Variants in GRAMD2B observed in about 807,000 individuals in gnomAD.
GRAMD2B encodes the protein GRAM domain containing 2B.
A neutral mutation model predicts 59.2 loss-of-function variants in GRAMD2B; 41 were observed. The ratio of observed to expected loss-of-function variants is 0.69; its 90% CI spans 0.54 to 0.90. The LOEUF is 0.90. Among genes scored for constraint, GRAMD2B ranks in the 40% least tolerant of loss-of-function variants. The pLI, the probability that GRAMD2B is intolerant of heterozygous loss-of-function variation, is 0.00. For synonymous variants in GRAMD2B, 161 were observed against 182.7 expected (o/e 0.88, Z 0.96); for missense variants, 424 against 500.5 (o/e 0.85, Z 1.46).
chr5:126,407,995 C>G (rs1166712625), intron 1 of GRAMD2B, among the ~76,000 whole-genome samples: 1 of 151,612 alleles, frequency 6.6e-6, no homozygotes, highest in Non-Finnish European at 1.5e-5. Flanking sequence ...CATGTGCAGG[C>G]TTGTTACCTG....
intron 1 of GRAMD2B, among the ~76,000 whole-genome samples, chr5:126,452,061 C>T (rs766530995): frequency 6.6e-6 from 1 of 152,154 alleles, no homozygotes. Flanking sequence ...ACCAATTAAA[C>T]CTCTTTTCTT....
At chr5:126,454,134 G>T (rs950597541) in intron 1 of GRAMD2B, among the ~76,000 whole-genome samples, 2 of 152,146 alleles carry the variant, frequency 1.3e-5, no homozygotes, top group African/African-American at 4.8e-5. Flanking sequence ...AAGGTAAGAC[G>T]ACCAACATGG....
At chr5:126,467,869 T>C (rs1178814066) in intron 2 of GRAMD2B, among the ~76,000 whole-genome samples, 2 of 152,206 alleles carry the variant, frequency 1.3e-5, no homozygotes, top group Non-Finnish European at 2.9e-5. Context: ...CTGTAGTGGC[T>C]AGAAGAGGCC....
chr5:126,484,564 T>C (rs1420452477), intron 10 of GRAMD2B, 40 bp downstream of exon 10: 4 of 1,560,968 alleles, frequency 2.6e-6, no homozygotes, highest in African/African-American at 1.4e-5. Context: ...TTTAGAAGGA[T>C]TGGAGATGTC....
upstream of GRAMD2B, among the ~76,000 whole-genome samples, chr5:126,366,813 A>T (rs11241888): frequency 0.92 from 136,907 of 148,832 alleles, 63,164 homozygotes; most frequent in East Asian, 0.99. Context: ...TATGGTGACA[A>T]CTGAAATTCA....
At chr5:126,392,470 C>A (rs1340519699) in intron 1 of GRAMD2B, among the ~76,000 whole-genome samples, 1 of 152,140 alleles carries the variant, frequency 6.6e-6, no homozygotes, top group Non-Finnish European at 1.5e-5. Context: ...CCATTAGCAA[C>A]TCAGAACCAA....
intron 1 of GRAMD2B, among the ~76,000 whole-genome samples, chr5:126,361,434 T>C (rs1754216376): frequency 6.6e-6 from 1 of 151,316 alleles, no homozygotes; most frequent in Non-Finnish European, 1.5e-5. Context: ...ACTGAATGTG[T>C]TGACTAGGAA....
At chr5:126,382,897 G>C (rs1755784160) in intron 1 of GRAMD2B, among the ~76,000 whole-genome samples, 2 of 152,168 alleles carry the variant, frequency 1.3e-5, no homozygotes. Flanking sequence ...CCTTGATGTA[G>C]TACTCTCCCC....
chr5:126,376,610 GACCCATTTTC>G (rs1226953752), intron 1 of GRAMD2B, among the ~76,000 whole-genome samples: 5 of 152,170 alleles, frequency 3.3e-5, no homozygotes, highest in Non-Finnish European at 7.3e-5. Context: ...ACTGTGCCAT[GACCCATTTTC>G]ACTAGTCAAG....
Position 126,480,681 on chromosome 5 carries a change from G to A in GRAMD2B, c.709G>A (p.Ala237Thr). Residue 237 changes from alanine (A) to threonine (T), a missense_variant, in exon 8 of 14, where the codon GCA becomes ACA. By Grantham distance (58) the Ala-to-Thr change is moderately conservative. Transcript: ENST00000285689. ...NPSSAENSFR[A>T]DRPSSLPLDF... ...ATCTTCTGCTGAAAACAGTTTCCGA[G>A]CAGACCGCCCTTCATCTCTGCCTCT... 6.2e-7 allele frequency: 1 copy of A among 1,614,106 alleles called. No homozygotes were observed. The highest frequency in any genetic ancestry group is 1.1e-5 in the South Asian group (1 of 91,078).
chr5:126,448,515 G>A (rs995207923), intron 1 of GRAMD2B, among the ~76,000 whole-genome samples: 3 of 152,104 alleles, frequency 2.0e-5, no homozygotes, highest in Middle Eastern at 3.2e-3. Context: ...GGAGGAGAAG[G>A]AATGATATGA....
chr5:126,475,694 A>G (rs1326630479), intron 5 of GRAMD2B, among the ~76,000 whole-genome samples: 2 of 152,258 alleles, frequency 1.3e-5, no homozygotes, highest in Non-Finnish European at 2.9e-5. Context: ...GGCCAGGCAC[A>G]GTGGCTCACG....
intron 1 of GRAMD2B, among the ~76,000 whole-genome samples, chr5:126,379,309 T>C (rs1755462763): frequency 6.6e-6 from 1 of 152,216 alleles, no homozygotes; most frequent in South Asian, 2.1e-4. Context: ...CATTGATTGA[T>C]GGGCATTTGG....
At position 126,493,271 on chromosome 5, in the gene GRAMD2B, A is replaced by G; in HGVS notation, c.*315A>G. 3.0e-6 allele frequency: 1 copy of G among 329,448 alleles called. No individual in the cohort carries two copies. The highest frequency in any genetic ancestry group is 5.8e-5 in the East Asian group (1 of 17,186). The allele number at this position is 329,448 out of a possible 1,614,324, so 20.4% of individuals were successfully genotyped here. ...GGATAATTACCACGATGGCGTCAGCAAACACTCCACCCTGTGCCTTTTTAG... is the reference window on the plus strand; with the variant it reads ...GGATAATTACCACGATGGCGTCAGCGAACACTCCACCCTGTGCCTTTTTAG... On this transcript the variant is annotated 3_prime_UTR_variant, in exon 14 of 14. Coordinates refer to ENST00000285689, the MANE Select transcript of GRAMD2B (RefSeq NM_023927.4).
intron 10 of GRAMD2B, 119 bp downstream of exon 10, chr5:126,484,643 A>C: frequency 9.6e-7 from 1 of 1,041,592 alleles, no homozygotes; most frequent in Non-Finnish European, 1.3e-6. Context: ...TAGTGCAATA[A>C]CATGATCTTG....
intron 1 of GRAMD2B, among the ~76,000 whole-genome samples, chr5:126,390,999 T>C (rs1347297957): frequency 6.6e-6 from 1 of 152,088 alleles, no homozygotes; most frequent in Non-Finnish European, 1.5e-5. Context: ...TTAATTTCCA[T>C]CCATCATATA....
chr5:126,385,061 A>C (rs1213507644), intron 1 of GRAMD2B, among the ~76,000 whole-genome samples: 2 of 152,230 alleles, frequency 1.3e-5, no homozygotes, highest in Non-Finnish European at 2.9e-5. Context: ...ATGAATGAAG[A>C]CCTTCCCTGT....
chr5:126,447,122 A>T (rs753446612), intron 1 of GRAMD2B, among the ~76,000 whole-genome samples: 4 of 152,180 alleles, frequency 2.6e-5, no homozygotes, highest in African/African-American at 4.8e-5. Context: ...CCTTCACAGG[A>T]TCCATCTGTC....
chr5:126,380,628 T>C (rs1291816632), intron 1 of GRAMD2B, among the ~76,000 whole-genome samples: 2 of 152,172 alleles, frequency 1.3e-5, no homozygotes, highest in Admixed American at 6.5e-5. Context: ...CCTTGGTTAG[T>C]TATATTCCTA....
Sources: gnomAD v4.1 joint callset for allele counts (sites outside exome capture counted in the v4.1 genomes callset) on GRCh38, gnomAD v4.1.1 for gene constraint, MANE v1.5 for transcripts, NCBI Gene and HGNC (gene_info 2026-07-23, HGNC 2026-07-21) for gene names.